Variants in TRMT11 observed in about 807,000 individuals in gnomAD.
TRMT11 encodes tRNA methyltransferase 11, also known as tRNA (guanine(10)-N(2))-methyltransferase TRMT11.
Under a neutral mutation model 62.8 loss-of-function variants are expected in TRMT11, and 53 were observed. The ratio of observed to expected loss-of-function variants is 0.84; its 90% CI spans 0.68 to 1.06. The LOEUF (loss-of-function observed/expected upper bound fraction) is 1.06, where lower values mean the gene tolerates loss of function less well. TRMT11 is among the 50% of genes least tolerant of loss of function. The probability of loss-of-function intolerance (pLI) is 0.00; values close to 1 mark genes in which losing one functional copy is unlikely to be tolerated. For missense variants in TRMT11, 556 were observed against 553.4 expected, an observed-to-expected ratio of 1.00 and a Z score of -0.05; for synonymous variants, 188 against 190.3, an observed-to-expected ratio of 0.99 and a Z score of 0.10.
At chr6:126,251,693 T>G in the TRMT11 span, among the ~76,000 whole-genome samples, 1 of 152,242 alleles carries the variant, frequency 6.6e-6, no homozygotes, top group Non-Finnish European at 1.5e-5. Flanking sequence ...CTTTCAGATT[T>G]ACATATAAAT....
At chr6:126,108,951 G>A (rs1256440651) in intron 17 of TRMT11, among the ~76,000 whole-genome samples, 1 of 152,058 alleles carries the variant, frequency 6.6e-6, no homozygotes, top group Non-Finnish European at 1.5e-5. Context: ...AATAATTTTA[G>A]ACTCTCCAAA....
downstream of TRMT11, among the ~76,000 whole-genome samples, chr6:126,040,468 T>C (rs1395997143): frequency 6.6e-6 from 1 of 152,118 alleles, no homozygotes; most frequent in Admixed American, 6.6e-5. Flanking sequence ...CTATTTTGGT[T>C]TTAGAGCATA....
the TRMT11 span, among the ~76,000 whole-genome samples, chr6:126,265,095 C>T: frequency 4.4e-3 from 668 of 152,196 alleles, 6 homozygotes; most frequent in African/African-American, 0.016. Flanking sequence ...TGTATATTCA[C>T]ATTTATGTTC....
chr6:126,213,591 G>A, the TRMT11 span, among the ~76,000 whole-genome samples: 1 of 152,062 alleles, frequency 6.6e-6, no homozygotes, highest in East Asian at 1.9e-4. Flanking sequence ...TTGTATGTTG[G>A]TTTTGAATCC....
chr6:125,993,693 C>T (rs1035412959), intron 1 of TRMT11, 64 bp from the exon 2 acceptor site: 39 of 1,055,312 alleles, frequency 3.7e-5, no homozygotes, highest in Non-Finnish European at 5.5e-5. Context: ...ATACCTGTCT[C>T]CCTTAGTACA....
At chr6:126,019,294 T>G (rs143711279) in intron 11 of TRMT11, among the ~76,000 whole-genome samples, 1,914 of 152,328 alleles carry the variant, frequency 0.013, 45 homozygotes, top group African/African-American at 0.041. Context: ...TGAATTAAGA[T>G]CGAGTCAAAA....
intron 16 of TRMT11, among the ~76,000 whole-genome samples, chr6:126,045,981 C>T (rs1324484982): frequency 6.6e-6 from 1 of 151,914 alleles, no homozygotes; most frequent in Non-Finnish European, 1.5e-5. Flanking sequence ...GAGACAAACT[C>T]CTGTGGGAAG....
intron 17 of TRMT11, among the ~76,000 whole-genome samples, chr6:126,103,257 T>C (rs958922078): frequency 1.3e-5 from 2 of 152,364 alleles, no homozygotes; most frequent in Admixed American, 6.5e-5. Context: ...GTTTAATCTT[T>C]CCATCCAGAT....
chr6:126,063,380 C>G (rs570341265), intron 17 of TRMT11, among the ~76,000 whole-genome samples: 21 of 152,276 alleles, frequency 1.4e-4, no homozygotes, highest in African/African-American at 4.8e-4. Context: ...CTAAATTTCC[C>G]TAAGAATGTG....
intron 2 of TRMT11, among the ~76,000 whole-genome samples, chr6:125,995,516 T>C (rs74533517): frequency 6.6e-6 from 1 of 152,178 alleles, no homozygotes; most frequent in Non-Finnish European, 1.5e-5. Context: ...TTTTCTATCA[T>C]AGTTGTTTCA....
rs564437677 is a variant in TRMT11 at position 126,002,018 on chromosome 6, C to A, written c.679+2405C>A. ...GAGAGCTCTTTCACATTGAATCTGT[C>A]TTTGTGACATGTTCCTATCCTTTTT... On this transcript the variant is annotated intron_variant, in intron 7 of 12. Transcript: ENST00000334379. Among the ~76,000 whole-genome samples, 7 of 152,144 alleles carry A rather than the reference C, an allele frequency of 4.6e-5. No homozygotes were observed. The East Asian group carries it at 1.2e-3, about 25-fold the overall frequency.
chr6:125,996,085 T>G lies in TRMT11; in HGVS notation c.212+45T>G, dbSNP rs779170890. 57 of 1,286,308 alleles carry G rather than the reference T, an allele frequency of 4.4e-5. No individual in the cohort carries two copies. In the South Asian group the frequency reaches 6.5e-4, roughly 15 times the overall value. The allele number at this position is 1,286,308 out of a possible 1,614,324, so 79.7% of individuals were successfully genotyped here. On this transcript the variant is annotated intron_variant, in intron 3 of 12. Transcript: ENST00000334379. ...TCCTGCATGAATATACTGGTACTTCTCATAACCACTCAATCCTGTTTTTTG... is the reference window on the plus strand; with the variant it reads ...TCCTGCATGAATATACTGGTACTTCGCATAACCACTCAATCCTGTTTTTTG...
chr6:126,231,801 T>A, the TRMT11 span, among the ~76,000 whole-genome samples: 2 of 152,212 alleles, frequency 1.3e-5, no homozygotes, highest in South Asian at 4.1e-4. Context: ...GTTGCTTGGA[T>A]TAACAAATAA....
chr6:126,237,897 T>C, the TRMT11 span, among the ~76,000 whole-genome samples: 3 of 152,212 alleles, frequency 2.0e-5, no homozygotes, highest in Admixed American at 6.5e-5. Flanking sequence ...GAGCCTGTTA[T>C]TGGTCCATTC....
chr6:126,156,728 G>A (rs1301936150), intron 21 of TRMT11, among the ~76,000 whole-genome samples: 1 of 152,136 alleles, frequency 6.6e-6, no homozygotes, highest in African/African-American at 2.4e-5. Flanking sequence ...AAGAGAGAGA[G>A]GGAGGAGGTG....
At chr6:126,047,665 A>G (rs1433695370) in intron 16 of TRMT11, among the ~76,000 whole-genome samples, 2 of 152,210 alleles carry the variant, frequency 1.3e-5, no homozygotes, top group African/African-American at 2.4e-5. Flanking sequence ...GGCAACTGCT[A>G]AAAGACCATT....
Position 125,986,542 on chromosome 6 carries a change from G to A in TRMT11, c.-9G>A. The stretch of plus-strand genomic sequence containing the variant: ...CGCGGGCCGCGCAGGCGCACGGTGG[G>A]CAGCTGCAATGGCGCTGTCGTGTAC... On this transcript the variant is annotated 5_prime_UTR_variant, in exon 1 of 13. Transcript: ENST00000334379. 2 of 1,583,440 alleles carry A rather than the reference G, an allele frequency of 1.3e-6. No homozygotes were observed. The highest frequency in any genetic ancestry group is 1.7e-6 in the Non-Finnish European group (2 of 1,167,616).
At chr6:126,196,718 A>G (rs551235727) in intron 1 of TRMT11, among the ~76,000 whole-genome samples, 4 of 152,214 alleles carry the variant, frequency 2.6e-5, no homozygotes, top group South Asian at 4.1e-4. Flanking sequence ...AGGAAGGTAT[A>G]ATGGAAGTAC....
At chr6:126,075,571 C>T (rs958241245) in intron 17 of TRMT11, among the ~76,000 whole-genome samples, 8 of 152,030 alleles carry the variant, frequency 5.3e-5, no homozygotes, top group Non-Finnish European at 8.8e-5. Flanking sequence ...TTCCTGAGGC[C>T]TCCCCAGTCA....
Sources: gnomAD v4.1 joint callset for allele counts (sites outside exome capture counted in the v4.1 genomes callset) on GRCh38, gnomAD v4.1.1 for gene constraint, MANE v1.5 for transcripts, NCBI Gene and HGNC (gene_info 2026-07-23, HGNC 2026-07-21) for gene names.